PLEKHG1: variants seen among roughly 807,000 people sequenced by gnomAD.
PLEKHG1 encodes the protein pleckstrin homology domain-containing family G member 1.
Under a neutral mutation model 100.8 loss-of-function variants are expected in PLEKHG1, and 44 were observed. The observed-to-expected ratio is 0.44, with a 90% CI of 0.34 to 0.56. The LOEUF (loss-of-function observed/expected upper bound fraction) is 0.56. Among genes scored for constraint, PLEKHG1 ranks in the 20% least tolerant of loss-of-function variants. The probability of loss-of-function intolerance (pLI) is 0.01; values close to 1 mark genes in which losing one functional copy is unlikely to be tolerated. For synonymous variants in PLEKHG1, 640 were observed against 662.5 expected (o/e 0.97, Z 0.52); for missense variants, 1,545 against 1,720.9 (o/e 0.90, Z 1.81).
chr6:150,755,218 C>T (rs1783764602), intron 2 of PLEKHG1, among the ~76,000 whole-genome samples: 1 of 151,944 alleles, frequency 6.6e-6, no homozygotes, highest in Non-Finnish European at 1.5e-5. Flanking sequence ...TCAAACAATC[C>T]TTCCGCCTAG....
At chr6:150,704,577 C>T (rs1346603438) in intron 3 of PLEKHG1, among the ~76,000 whole-genome samples, 1 of 152,262 alleles carries the variant, frequency 6.6e-6, no homozygotes, top group Non-Finnish European at 1.5e-5. Context: ...CACTGGTTCT[C>T]AACCTTACAT....
chr6:150,827,451 A>G (rs549234088), intron 14 of PLEKHG1, among the ~76,000 whole-genome samples: 3 of 151,392 alleles, frequency 2.0e-5, no homozygotes, highest in Admixed American at 6.6e-5. Flanking sequence ...CTAATTTTGT[A>G]TTTATAGTAG....
chr6:150,773,957 G>A (rs191228767), intron 3 of PLEKHG1, among the ~76,000 whole-genome samples: 2 of 151,988 alleles, frequency 1.3e-5, no homozygotes, highest in African/African-American at 2.4e-5. Flanking sequence ...GATACTTACA[G>A]CTTTTGATGT....
intron 15 of PLEKHG1, among the ~76,000 whole-genome samples, chr6:150,837,663 G>A (rs556323813): frequency 6.6e-6 from 1 of 152,236 alleles, no homozygotes; most frequent in Non-Finnish European, 1.5e-5. Context: ...GGCTTGAGCA[G>A]ACCATCTGCC....
At chr6:150,759,984 A>G (rs1784066878) in intron 2 of PLEKHG1, among the ~76,000 whole-genome samples, 1 of 152,220 alleles carries the variant, frequency 6.6e-6, no homozygotes, top group African/African-American at 2.4e-5. Flanking sequence ...TGACAGAGCC[A>G]GTCTCTAAAC....
intron 3 of PLEKHG1, among the ~76,000 whole-genome samples, chr6:150,682,295 C>G (rs915164526): frequency 2.2e-4 from 34 of 152,168 alleles, no homozygotes; most frequent in Admixed American, 2.2e-3. Context: ...TAAAGGCCAC[C>G]TGCAAGACTG....
At position 150,831,194 on chromosome 6, in the gene PLEKHG1, A is replaced by T. The variant is rs769414021; in HGVS notation, c.2083A>T (p.Ser695Cys). ...AGCCAGGGACTCCGTTCGCCCCAAGAGCACCCCAGAGTTAGCCTTCACAAA... is the reference window on the plus strand; with the variant it reads ...AGCCAGGGACTCCGTTCGCCCCAAGTGCACCCCAGAGTTAGCCTTCACAAA... Residue 695 changes from serine to cysteine, a missense_variant, in exon 15 of 16, where the codon AGC becomes TGC. Physicochemically the swap from Ser to Cys is moderately radical, Grantham distance 112. Transcript: ENST00000358517. The surrounding 1 kb of genome is among the most constrained non-coding windows in gnomAD (Gnocchi z 4.1). 2.5e-5 allele frequency: 40 copies of T among 1,614,160 alleles called. No homozygotes were observed. Among genetic ancestry groups the T allele is most frequent in the Non-Finnish European group, 3.3e-5 (39 of 1,180,020 alleles).
chr6:150,660,725 A>G lies in PLEKHG1; in HGVS notation c.-99+9939A>G, dbSNP rs76505865. On this transcript the variant is annotated intron_variant, in intron 3 of 3. Transcript: ENST00000367326. Reference sequence around the variant, plus strand: ...CTTTGAAGGCCTCTTCTTAAACCATAGAGGCATTGGTGAAAGAAAAATTAT... The same window carrying G: ...CTTTGAAGGCCTCTTCTTAAACCATGGAGGCATTGGTGAAAGAAAAATTAT... Among the ~76,000 whole-genome samples the G allele has an allele frequency of 6.0e-4, 92 of 152,344 alleles. 1 individual carries two copies. In the East Asian group the frequency reaches 0.017, roughly 28 times the overall value.
At chr6:150,813,032 G>A (rs774156810) in intron 10 of PLEKHG1, among the ~76,000 whole-genome samples, 16 of 152,102 alleles carry the variant, frequency 1.1e-4, no homozygotes, top group African/African-American at 3.1e-4. Context: ...CTGGCCGGGC[G>A]CGGTGGCTCA....
intron 3 of PLEKHG1, among the ~76,000 whole-genome samples, chr6:150,679,629 A>T (rs1779868328): frequency 6.6e-6 from 1 of 152,238 alleles, no homozygotes; most frequent in South Asian, 2.1e-4. Context: ...ATAGTTGTTC[A>T]TTCAGTCATT....
chr6:150,722,154 GATCGT>G (rs2128610052), intron 1 of PLEKHG1, among the ~76,000 whole-genome samples: 1 of 151,912 alleles, frequency 6.6e-6, no homozygotes, highest in Non-Finnish European at 1.5e-5. Flanking sequence ...TCAAAATTAG[GATCGT>G]ATTATATGTT....
chr6:150,721,521 T>A (rs1412525137), intron 1 of PLEKHG1, among the ~76,000 whole-genome samples: 11 of 152,236 alleles, frequency 7.2e-5, no homozygotes. Flanking sequence ...TGTATCTGAC[T>A]CTGGGGAGAA....
At chr6:150,778,774 G>A (rs576965036) in intron 3 of PLEKHG1, among the ~76,000 whole-genome samples, 12 of 152,216 alleles carry the variant, frequency 7.9e-5, no homozygotes, top group African/African-American at 2.9e-4. Flanking sequence ...CAGCTTCATG[G>A]GGATGATAGC....
chr6:150,805,234 C>A (rs1239153851), intron 7 of PLEKHG1, among the ~76,000 whole-genome samples: 4 of 152,068 alleles, frequency 2.6e-5, no homozygotes, highest in Non-Finnish European at 5.9e-5. Flanking sequence ...CACACCCGGC[C>A]GACATTATAA....
chr6:150,627,452 T>C (rs1777553818), intron 1 of PLEKHG1, among the ~76,000 whole-genome samples: 2 of 152,170 alleles, frequency 1.3e-5, no homozygotes, highest in South Asian at 4.1e-4. Flanking sequence ...ATTATTGTAG[T>C]GCAGATCCCA....
At chr6:150,681,218 T>C (rs548087365) in intron 3 of PLEKHG1, among the ~76,000 whole-genome samples, 60 of 152,102 alleles carry the variant, frequency 3.9e-4, no homozygotes, top group Non-Finnish European at 8.1e-4. Flanking sequence ...TGGTTATCAC[T>C]TGGAGAAAAG....
Position 150,831,678 on chromosome 6 carries a change from G to A in PLEKHG1, c.2567G>A (p.Arg856His), listed in dbSNP as rs77964029. The A allele has an allele frequency of 2.5e-5, 41 of 1,612,884 alleles. 1 individual carries two copies. The highest frequency in any genetic ancestry group is 1.5e-4 in the South Asian group (14 of 91,082). ...AAAAATGAAGACAAGGCCAGAGACC[G>A]TCTCCTGGCAGCGTTTCCTGTGAGC... is the stretch of plus-strand genomic sequence containing the variant. Residue 856 changes from arginine (R) to histidine (H), a missense_variant, in exon 15 of 16, where the codon CGT becomes CAT. By Grantham distance (29) the Arg-to-His change is conservative. Coordinates refer to ENST00000358517, the Ensembl canonical transcript of PLEKHG1. The surrounding 1 kb of genome is among the most constrained non-coding windows in gnomAD (Gnocchi z 4.1).
chr6:150,829,757 C>A (rs770335026), intron 14 of PLEKHG1, among the ~76,000 whole-genome samples: 1 of 152,110 alleles, frequency 6.6e-6, no homozygotes, highest in Non-Finnish European at 1.5e-5. Context: ...TTAAATTACA[C>A]TCCTACAATA....
chr6:150,619,926 A>G (rs1777224662), intron 1 of PLEKHG1, among the ~76,000 whole-genome samples: 5 of 152,132 alleles, frequency 3.3e-5, no homozygotes, highest in Admixed American at 3.3e-4. Context: ...TTATAGTTTG[A>G]GGGCATAAAT....
Sources: allele counts gnomAD v4.1 joint callset (sites outside exome capture counted in the v4.1 genomes callset), GRCh38; gene constraint gnomAD v4.1.1; non-coding constraint Gnocchi (gnomAD v3.1); transcripts MANE v1.5; gene names NCBI Gene and HGNC (gene_info 2026-07-23, HGNC 2026-07-21).